Variants in CIMIP3 observed in about 807,000 individuals in gnomAD.
CIMIP3 encodes the protein ciliary microtubule inner protein 3, also known as GUCA1A neighbor.
the CIMIP3 span, among the ~76,000 whole-genome samples, chr6:42,161,293 C>T: frequency 6.6e-6 from 1 of 152,154 alleles, no homozygotes; most frequent in African/African-American, 2.4e-5. Context: ...TAACCCTGTA[C>T]CTAGGGGTTC....
the CIMIP3 span, among the ~76,000 whole-genome samples, chr6:42,158,123 C>A: frequency 2.2e-4 from 33 of 152,166 alleles, no homozygotes; most frequent in Admixed American, 1.5e-3. Flanking sequence ...ACACAGTGTG[C>A]GCACACCCAG....
At chr6:42,156,386 C>T in the CIMIP3 span, among the ~76,000 whole-genome samples, 1 of 150,622 alleles carries the variant, frequency 6.6e-6, no homozygotes, top group Non-Finnish European at 1.5e-5. Flanking sequence ...AACTTTTGAG[C>T]TCAAGCAATC....
chr6:42,157,756 T>A, the CIMIP3 span, among the ~76,000 whole-genome samples: 75,123 of 151,912 alleles, frequency 0.49, 19,685 homozygotes, highest in East Asian at 0.61. Flanking sequence ...GAAAATAGGA[T>A]CATGGGATTC....
At chr6:42,162,873 T>C in the CIMIP3 span, 3 of 593,756 alleles carry the variant, frequency 5.1e-6, no homozygotes, top group Non-Finnish European at 9.3e-6. Flanking sequence ...GCAGTTGAAG[T>C]CCCAGTATCC....
the CIMIP3 span, among the ~76,000 whole-genome samples, chr6:42,159,976 A>C: frequency 1.3e-5 from 2 of 152,154 alleles, no homozygotes; most frequent in African/African-American, 4.8e-5. Context: ...CTACAGACTG[A>C]AGTGGAAAAG....
At chr6:42,158,581 G>T in the CIMIP3 span, among the ~76,000 whole-genome samples, 1 of 152,186 alleles carries the variant, frequency 6.6e-6, no homozygotes, top group Non-Finnish European at 1.5e-5. Context: ...TTGAATCCTG[G>T]TTCCCACACT....
chr6:42,156,745 G>C, the CIMIP3 span, among the ~76,000 whole-genome samples: 4,900 of 152,296 alleles, frequency 0.032, 127 homozygotes, highest in South Asian at 0.061. Flanking sequence ...CCATTTTGCA[G>C]ATGAGGCCCC....
the CIMIP3 span, among the ~76,000 whole-genome samples, chr6:42,159,086 G>A: frequency 5.3e-5 from 8 of 152,194 alleles, no homozygotes; most frequent in African/African-American, 1.9e-4. Flanking sequence ...CATTCTCCAG[G>A]CCAGGATGTC....
chr6:42,160,845 T>C, the CIMIP3 span, among the ~76,000 whole-genome samples: 1 of 152,122 alleles, frequency 6.6e-6, no homozygotes, highest in Non-Finnish European at 1.5e-5. Context: ...AAAGCCTGCT[T>C]TGGAGGAAAG....
At chr6:42,160,217 G>A in the CIMIP3 span, among the ~76,000 whole-genome samples, 1 of 152,018 alleles carries the variant, frequency 6.6e-6, no homozygotes, top group Admixed American at 6.6e-5. Context: ...TTGAACTCTG[G>A]GCCTCAAGTG....
chr6:42,157,825 T>C, the CIMIP3 span, among the ~76,000 whole-genome samples: 1 of 152,124 alleles, frequency 6.6e-6, no homozygotes, highest in African/African-American at 2.4e-5. Flanking sequence ...CATCACTCCC[T>C]GTAGAATGGA....
chr6:42,159,373 C>T, the CIMIP3 span, among the ~76,000 whole-genome samples: 11 of 152,324 alleles, frequency 7.2e-5, no homozygotes, highest in African/African-American at 2.4e-4. Flanking sequence ...GTCTTTGTCA[C>T]CTTCACACCA....
At chr6:42,156,991 G>A in the CIMIP3 span, among the ~76,000 whole-genome samples, 1 of 152,238 alleles carries the variant, frequency 6.6e-6, no homozygotes, top group Non-Finnish European at 1.5e-5. Context: ...GCAAGGCCAT[G>A]TGCCTATGGC....
chr6:42,162,147 C>T, the CIMIP3 span, among the ~76,000 whole-genome samples: 1 of 129,628 alleles, frequency 7.7e-6, no homozygotes, highest in Non-Finnish European at 1.5e-5. Context: ...GACGCAGTGG[C>T]TCACGCCTGT....
Sources: allele counts gnomAD v4.1 joint callset (sites outside exome capture counted in the v4.1 genomes callset), GRCh38; gene constraint gnomAD v4.1.1; transcripts MANE v1.5; gene names NCBI Gene and HGNC (gene_info 2026-07-23, HGNC 2026-07-21).